The following RABGAP1 variants were observed in gnomAD, a reference collection of about 807,000 sequenced individuals.
RABGAP1 encodes the protein rab GTPase-activating protein 1.
RABGAP1 carries 23 observed loss-of-function variants against 137.6 expected under a neutral mutation model. That is an observed-to-expected ratio of 0.17 (90% confidence interval 0.12 to 0.24). The LOEUF (loss-of-function observed/expected upper bound fraction) is 0.24, where lower values mean the gene tolerates loss of function less well. Ranked by LOEUF, RABGAP1 falls within the 10% of genes least tolerant of loss-of-function variation. RABGAP1 has a pLI of 1.00. For missense variants in RABGAP1, 906 were observed against 1,275.8 expected, an observed-to-expected ratio of 0.71 and a Z score of 4.42; for synonymous variants, 451 against 450.7, an observed-to-expected ratio of 1.00 and a Z score of -0.01.
chr9:123,027,381 T>C (rs928269976), intron 13 of RABGAP1, among the ~76,000 whole-genome samples: 40 of 152,376 alleles, frequency 2.6e-4, no homozygotes, highest in African/African-American at 9.4e-4. Context: ...TCCAAAGTGC[T>C]GGGATTACAG....
intron 21 of RABGAP1, among the ~76,000 whole-genome samples, chr9:123,093,167 T>C (rs1268635736): frequency 6.6e-6 from 1 of 152,190 alleles, no homozygotes; most frequent in East Asian, 1.9e-4. Flanking sequence ...AGAGAAAAGC[T>C]CTGGTGTGAG....
At chr9:122,973,509 A>G (rs1222183557) in intron 2 of RABGAP1, among the ~76,000 whole-genome samples, 1 of 152,070 alleles carries the variant, frequency 6.6e-6, no homozygotes, top group East Asian at 1.9e-4. Context: ...CTGGGATTAT[A>G]GGCATGAGCC....
intron 2 of RABGAP1, among the ~76,000 whole-genome samples, chr9:122,963,200 G>A (rs1588175652): frequency 6.6e-6 from 1 of 152,174 alleles, no homozygotes; most frequent in Admixed American, 6.5e-5. Context: ...CTTGAGCTCA[G>A]AAGTTCGAGA....
intron 13 of RABGAP1, among the ~76,000 whole-genome samples, chr9:123,052,210 G>T (rs117304292): frequency 3.0e-4 from 45 of 152,288 alleles, no homozygotes; most frequent in Middle Eastern, 3.4e-3. Flanking sequence ...TTAAGAAGGT[G>T]AGCTAGGAAG....
chr9:123,082,415 G>A (rs1435192170), intron 19 of RABGAP1, among the ~76,000 whole-genome samples: 1 of 152,180 alleles, frequency 6.6e-6, no homozygotes, highest in Non-Finnish European at 1.5e-5. Context: ...GGACCTGGGA[G>A]CCCCACAGCC....
chr9:123,063,620 C>T (rs984368527), intron 13 of RABGAP1, among the ~76,000 whole-genome samples: 2 of 152,144 alleles, frequency 1.3e-5, no homozygotes, highest in Non-Finnish European at 2.9e-5. Context: ...TTTGCACTGC[C>T]CTGAGGGCTA....
upstream of RABGAP1, among the ~76,000 whole-genome samples, chr9:122,940,554 C>G (rs1441585943): frequency 6.6e-6 from 1 of 152,220 alleles, no homozygotes; most frequent in Non-Finnish European, 1.5e-5. Context: ...ATCACAATCC[C>G]TGACACACCG....
chr9:123,092,183 C>T (rs1277983321), intron 21 of RABGAP1, among the ~76,000 whole-genome samples: 1 of 152,202 alleles, frequency 6.6e-6, no homozygotes, highest in Non-Finnish European at 1.5e-5. Flanking sequence ...CCAGTATTAA[C>T]AGTGACACCC....
At chr9:123,050,618 T>C (rs1480776752) in intron 13 of RABGAP1, among the ~76,000 whole-genome samples, 1 of 152,210 alleles carries the variant, frequency 6.6e-6, no homozygotes, top group Non-Finnish European at 1.5e-5. Flanking sequence ...CAGTGTTAAG[T>C]GAGCCCACCA....
At chr9:123,013,237 G>A (rs1301680434) in intron 11 of RABGAP1, among the ~76,000 whole-genome samples, 1 of 152,070 alleles carries the variant, frequency 6.6e-6, no homozygotes, top group East Asian at 1.9e-4. Flanking sequence ...TGGTATATTG[G>A]TGTTTTAATA....
rs1157177428 is a variant in RABGAP1 at position 123,076,731 on chromosome 9, A to G, written c.2393A>G (p.Lys798Arg). 3 of 1,603,906 alleles carry G rather than the reference A, an allele frequency of 1.9e-6. No individual in the cohort carries two copies. Among genetic ancestry groups the G allele is most frequent in the Non-Finnish European group, 2.6e-6 (3 of 1,175,218 alleles). The change falls in exon 19 of 26, where the codon AAA (lysine) becomes AGA (arginine). Residue 798 changes from lysine to arginine, a missense_variant. Physicochemically the swap from Lys to Arg is conservative, Grantham distance 26 (BLOSUM62 2). This residue lies in a region of RABGAP1 where 77 missense variants were observed against 105.6 expected (regional missense o/e 0.73). Transcript: ENST00000373647. Reference protein sequence around the residue: ...PKRYRSEENAKKLMELACNMK... With the variant: ...PKRYRSEENARKLMELACNMK... ...AGATACCGCTCAGAAGAAAATGCAA[A>G]AAAACTAATGGAATTAGCCTGCAAC...
At chr9:123,043,987 G>A (rs1300908218) in intron 13 of RABGAP1, among the ~76,000 whole-genome samples, 15 of 146,160 alleles carry the variant, frequency 1.0e-4, no homozygotes, top group South Asian at 4.4e-4. Flanking sequence ...TGCAAGCTCC[G>A]CCTCCCGGGT....
intron 13 of RABGAP1, among the ~76,000 whole-genome samples, chr9:123,048,365 C>A (rs117696785): frequency 6.6e-6 from 1 of 152,120 alleles, no homozygotes; most frequent in Non-Finnish European, 1.5e-5. Context: ...CATTTATAAG[C>A]ATTTTCTTGG....
chr9:122,978,045 A>T (rs1835855136), intron 2 of RABGAP1, among the ~76,000 whole-genome samples: 1 of 152,232 alleles, frequency 6.6e-6, no homozygotes, highest in African/African-American at 2.4e-5. Context: ...ATTTACACCA[A>T]TAAAATGCAA....
intron 13 of RABGAP1, among the ~76,000 whole-genome samples, chr9:123,025,185 A>G (rs1243627738): frequency 6.6e-6 from 1 of 152,208 alleles, no homozygotes; most frequent in Non-Finnish European, 1.5e-5. Context: ...TAGAACTACC[A>G]TCTTTGTCAT....
chr9:122,944,868 C>T (rs181117322), intron 1 of RABGAP1, among the ~76,000 whole-genome samples: 36 of 152,170 alleles, frequency 2.4e-4, no homozygotes, highest in Middle Eastern at 3.4e-3. Context: ...AAAGCCACCG[C>T]GCCCGGCCTA....
At chr9:122,987,308 T>G (rs759329057) in intron 4 of RABGAP1, among the ~76,000 whole-genome samples, 2 of 152,150 alleles carry the variant, frequency 1.3e-5, no homozygotes, top group Non-Finnish European at 2.9e-5. Context: ...AATAAATTTT[T>G]TTTCCCTATT....
At chr9:123,056,124 A>G (rs1323790844) in intron 13 of RABGAP1, among the ~76,000 whole-genome samples, 1 of 152,238 alleles carries the variant, frequency 6.6e-6, no homozygotes, top group African/African-American at 2.4e-5. Flanking sequence ...AGATACCAAA[A>G]TATAGATGCT....
At chr9:123,001,347 A>G (rs1384077225) in intron 10 of RABGAP1, among the ~76,000 whole-genome samples, 1 of 152,184 alleles carries the variant, frequency 6.6e-6, no homozygotes, top group Non-Finnish European at 1.5e-5. Context: ...TTTTATTTAC[A>G]TGCAACTTCT....
Sources: allele counts gnomAD v4.1 joint callset (sites outside exome capture counted in the v4.1 genomes callset), GRCh38; gene constraint gnomAD v4.1.1; regional missense constraint gnomAD v4.1.1; transcripts MANE v1.5; gene names NCBI Gene and HGNC (gene_info 2026-07-23, HGNC 2026-07-21).